NBAS: variants seen among roughly 807,000 people sequenced by gnomAD.
NBAS encodes the protein NAG/BC035112 fusion.
NBAS carries 219 observed loss-of-function variants against 302.5 expected under a neutral mutation model. That is an observed-to-expected ratio of 0.72 (90% CI 0.65 to 0.81). The LOEUF (loss-of-function observed/expected upper bound fraction) is 0.81. NBAS is among the 30% of genes least tolerant of loss of function. The pLI is 0.00. For missense variants in NBAS, 2,932 were observed against 2,841.6 expected, an observed-to-expected ratio of 1.03 and a Z score of -0.72; for synonymous variants, 1,118 against 1,021.6, an observed-to-expected ratio of 1.09 and a Z score of -1.80.
chr2:15,554,713 T>C (rs945548423), intron 3 of NBAS, among the ~76,000 whole-genome samples: 1 of 150,492 alleles, frequency 6.6e-6, no homozygotes, highest in Non-Finnish European at 1.5e-5. Context: ...CACCAGGTCA[T>C]TGAAAGAACT....
At chr2:14,909,233 T>C in the NBAS span, among the ~76,000 whole-genome samples, 2 of 146,144 alleles carry the variant, frequency 1.4e-5, no homozygotes, top group Non-Finnish European at 3.0e-5. Flanking sequence ...GGCAGGAGAA[T>C]GGCGTGAATC....
At chr2:15,034,659 T>C in the NBAS span, among the ~76,000 whole-genome samples, 7 of 152,318 alleles carry the variant, frequency 4.6e-5, no homozygotes, top group South Asian at 6.2e-4. Flanking sequence ...GAGTATGAAC[T>C]CTTAAGTGCC....
chr2:15,218,430 T>C (rs1666751606), intron 48 of NBAS, among the ~76,000 whole-genome samples: 1 of 152,228 alleles, frequency 6.6e-6, no homozygotes, highest in Non-Finnish European at 1.5e-5. Flanking sequence ...TATTGTTTTT[T>C]TCTTTTTCTT....
the NBAS span, among the ~76,000 whole-genome samples, chr2:14,861,339 G>A: frequency 6.6e-6 from 1 of 152,194 alleles, no homozygotes; most frequent in Admixed American, 6.5e-5. Flanking sequence ...GGGAAGGGTA[G>A]TGCATTCTCG....
At chr2:15,120,516 TA>T in the NBAS span, among the ~76,000 whole-genome samples, 21,558 of 144,948 alleles carry the variant, frequency 0.15, 2,595 homozygotes, top group African/African-American at 0.33. Context: ...CTTTTCAGGT[TA>T]AAAAAAAAAA....
the NBAS span, among the ~76,000 whole-genome samples, chr2:14,854,842 A>T: frequency 6.6e-6 from 1 of 152,162 alleles, no homozygotes; most frequent in African/African-American, 2.4e-5. Context: ...GGCAGTCTAG[A>T]CTATAAGGAC....
At chr2:15,089,400 G>C in the NBAS span, among the ~76,000 whole-genome samples, 1 of 152,128 alleles carries the variant, frequency 6.6e-6, no homozygotes, top group Non-Finnish European at 1.5e-5. Flanking sequence ...AATTGGGAGA[G>C]ACTTGGGGCC....
At chr2:15,347,286 C>T (rs1402442758) in intron 35 of NBAS, among the ~76,000 whole-genome samples, 3 of 152,050 alleles carry the variant, frequency 2.0e-5, no homozygotes, top group African/African-American at 4.8e-5. Flanking sequence ...ATATAACAAA[C>T]AATGCAGAAA....
intron 31 of NBAS, among the ~76,000 whole-genome samples, chr2:15,369,965 T>C (rs188815241): frequency 1.3e-5 from 2 of 152,254 alleles, no homozygotes; most frequent in East Asian, 3.9e-4. Flanking sequence ...CCACAACATA[T>C]GAAGTTGCTA....
chr2:15,232,146 G>A (rs955413004), intron 47 of NBAS, among the ~76,000 whole-genome samples: 27 of 152,070 alleles, frequency 1.8e-4, no homozygotes, highest in African/African-American at 5.6e-4. Flanking sequence ...GAAGCTCAGA[G>A]CAGTTTCTGC....
At chr2:14,810,176 C>T in the NBAS span, among the ~76,000 whole-genome samples, 1 of 152,108 alleles carries the variant, frequency 6.6e-6, no homozygotes, top group Non-Finnish European at 1.5e-5. Context: ...TGAGTTAAGA[C>T]TTTGGGAGAC....
At chr2:15,002,656 G>C in the NBAS span, among the ~76,000 whole-genome samples, 2 of 152,238 alleles carry the variant, frequency 1.3e-5, no homozygotes, top group East Asian at 3.9e-4. Context: ...GGCATGGCGG[G>C]CTGCAGGTCC....
At chr2:15,533,674 G>A (rs1663333636) in intron 9 of NBAS, among the ~76,000 whole-genome samples, 1 of 115,498 alleles carries the variant, frequency 8.7e-6, no homozygotes, top group Admixed American at 9.6e-5. Flanking sequence ...ACTTCGGGGG[G>A]TGTGCGTGTG....
At chr2:14,853,832 G>A in the NBAS span, among the ~76,000 whole-genome samples, 7 of 125,700 alleles carry the variant, frequency 5.6e-5, no homozygotes, top group East Asian at 2.3e-4. Context: ...ACAAAAAACC[G>A]AACACCGCAT....
At chr2:15,083,016 T>C in the NBAS span, among the ~76,000 whole-genome samples, 2 of 152,192 alleles carry the variant, frequency 1.3e-5, no homozygotes, top group Admixed American at 6.5e-5. Context: ...GGGTTATTCA[T>C]CCTTTGGAAT....
the NBAS span, among the ~76,000 whole-genome samples, chr2:15,001,976 T>C: frequency 6.6e-6 from 1 of 152,202 alleles, no homozygotes; most frequent in Non-Finnish European, 1.5e-5. Context: ...TTCTCTTCTC[T>C]GGCCTCACCC....
intron 48 of NBAS, among the ~76,000 whole-genome samples, chr2:15,192,250 T>G (rs924348988): frequency 2.1e-5 from 3 of 143,364 alleles, no homozygotes; most frequent in Non-Finnish European, 3.0e-5. Flanking sequence ...TTTTTTTTTT[T>G]GTCCACTGGT....
chr2:15,323,847 CAAA>C (rs1444312443), intron 38 of NBAS, among the ~76,000 whole-genome samples: 1 of 141,436 alleles, frequency 7.1e-6, no homozygotes, highest in South Asian at 2.2e-4. Flanking sequence ...AACAAACAAA[CAAA>C]AAAACAAAAA....
At chr2:15,012,372 T>TA in the NBAS span, among the ~76,000 whole-genome samples, 8 of 150,760 alleles carry the variant, frequency 5.3e-5, no homozygotes, top group South Asian at 1.3e-3. Context: ...ACAAAAAGAA[T>TA]AAAAAAGAAA....
Sources: allele counts gnomAD v4.1 joint callset (sites outside exome capture counted in the v4.1 genomes callset), GRCh38; gene constraint gnomAD v4.1.1; transcripts MANE v1.5; gene names NCBI Gene and HGNC (gene_info 2026-07-23, HGNC 2026-07-21).